PEA15: variants seen among roughly 807,000 people sequenced by gnomAD.
PEA15 encodes the protein proliferation and apoptosis adaptor protein 15, also known as astrocytic phosphoprotein PEA-15.
For missense variants in PEA15, 77 were observed against 161.3 expected (o/e 0.48, Z 2.83); for synonymous variants, 60 against 61.8 (o/e 0.97, Z 0.13).
intron 1 of PEA15, among the ~76,000 whole-genome samples, chr1:160,210,721 G>T (rs373848142): frequency 5.3e-5 from 8 of 152,314 alleles, no homozygotes; most frequent in African/African-American, 1.9e-4. Flanking sequence ...CCACCACCCA[G>T]CCAGCCTGGG....
chr1:160,213,642 T>A lies in PEA15; in HGVS notation c.*156T>A. Reference sequence around the variant, plus strand: ...CGCGTGTGTGTGCGTGTGCGCACGCTCTGGCTGTTTGTCTATATGTCTAGC... The same window carrying A: ...CGCGTGTGTGTGCGTGTGCGCACGCACTGGCTGTTTGTCTATATGTCTAGC... On this transcript the variant is annotated 3_prime_UTR_variant, in exon 4 of 4. Transcript: ENST00000360472. The surrounding 1 kb of genome is among the most constrained non-coding windows in gnomAD (Gnocchi z 5.3). 2.0e-6 allele frequency: 1 copy of A among 497,010 alleles called. No homozygotes were observed. The highest frequency in any genetic ancestry group is 3.7e-6 in the Non-Finnish European group (1 of 271,940). The allele number at this position is 497,010 out of a possible 1,614,324, so 30.8% of individuals were successfully genotyped here.
In PEA15 at chr1:160,213,357, G is replaced by A. The variant is rs368503705; in HGVS notation, c.329-65G>A. 1.9e-6 allele frequency: 3 copies of A among 1,606,326 alleles called. No individual in the cohort carries two copies. The highest frequency in any genetic ancestry group is 2.7e-5 in the African/African-American group (2 of 74,798). On this transcript the variant is annotated intron_variant, in intron 3 of 3. Coordinates refer to ENST00000360472, the MANE Select transcript of PEA15 (RefSeq NM_003768.5). The surrounding 1 kb of genome is among the most constrained non-coding windows in gnomAD (Gnocchi z 5.3). ...GAGTTTTGGGAGAGTGGAGGCAGAT[G>A]CCCAATGGGCCTGCCTGGCATCTCC... is the stretch of plus-strand genomic sequence containing the variant.
intron 1 of PEA15, 180 bp from the exon 2 acceptor site, chr1:160,211,363 A>G (rs1416081601): frequency 3.8e-6 from 5 of 1,306,008 alleles, no homozygotes; most frequent in Non-Finnish European, 3.9e-6. Flanking sequence ...CTTCCCGTCT[A>G]CCCTGACTGC....
chr1:160,213,683 T>G lies in PEA15; in HGVS notation c.*197T>G, dbSNP rs1298605342. 1 of 381,978 alleles carries G rather than the reference T, an allele frequency of 2.6e-6. No individual in the cohort carries two copies. The highest frequency in any genetic ancestry group is 3.7e-5 in the Admixed American group (1 of 26,936). The allele number at this position is 381,978 out of a possible 1,614,324, so 23.7% of individuals were successfully genotyped here. The stretch of plus-strand genomic sequence containing the variant: ...TATGTCTAGCTCATCTAGTTCCTCT[T>G]CTTAAGGGGATGGGGGTCAGGGGCT... On this transcript the variant is annotated 3_prime_UTR_variant, in exon 4 of 4. Coordinates refer to ENST00000360472, the MANE Select transcript of PEA15 (RefSeq NM_003768.5). The surrounding 1 kb of genome is among the most constrained non-coding windows in gnomAD (Gnocchi z 5.3).
At chr1:160,209,575 G>GT (rs1333150958) in intron 1 of PEA15, among the ~76,000 whole-genome samples, 1 of 152,036 alleles carries the variant, frequency 6.6e-6, no homozygotes, top group African/African-American at 2.4e-5. Context: ...CGCAGGATCT[G>GT]TAATATTTAC....
In PEA15 at chr1:160,208,621, A is replaced by C. The variant is rs1654709521; in HGVS notation, c.-2-2922A>C. The stretch of plus-strand genomic sequence containing the variant: ...GAAAGTGACATGGAGGATGAAGGAA[A>C]CAAGCTCTGCCAAGCCCCACCATGG... On this transcript the variant is annotated intron_variant, in intron 1 of 3. Coordinates refer to ENST00000360472, the MANE Select transcript of PEA15 (RefSeq NM_003768.5). The surrounding 1 kb of genome is among the most constrained non-coding windows in gnomAD (Gnocchi z 4.1). 3 of 1,550,440 alleles carry C rather than the reference A, an allele frequency of 1.9e-6. No individual in the cohort carries two copies. The Admixed American group carries it at 5.9e-5, about 30-fold the overall frequency.
At chr1:160,209,096 T>C (rs1284186652) in intron 1 of PEA15, among the ~76,000 whole-genome samples, 3 of 151,864 alleles carry the variant, frequency 2.0e-5, no homozygotes, top group Non-Finnish European at 2.9e-5. Flanking sequence ...TGTGGTTATA[T>C]GCCTTCTTAC....
At chr1:160,206,699 G>A (rs1654606881) in intron 1 of PEA15, among the ~76,000 whole-genome samples, 1 of 152,170 alleles carries the variant, frequency 6.6e-6, no homozygotes, top group African/African-American at 2.4e-5. Flanking sequence ...ACCAGGGAGA[G>A]GGAGGAAGTG....
chr1:160,210,126 G>C (rs1211665367), intron 1 of PEA15, among the ~76,000 whole-genome samples: 1 of 152,186 alleles, frequency 6.6e-6, no homozygotes, highest in Non-Finnish European at 1.5e-5. Context: ...TTCTGGGTCT[G>C]TATCTCTTAT....
At chr1:160,212,313 T>C (rs1409164549) in intron 2 of PEA15, among the ~76,000 whole-genome samples, 4 of 151,938 alleles carry the variant, frequency 2.6e-5, no homozygotes, top group Non-Finnish European at 5.9e-5. Flanking sequence ...TGTCACAGAG[T>C]ATCTAGTGTG....
Position 160,213,850 on chromosome 1 carries a change from T to G in PEA15, c.*364T>G. Reference sequence around the variant, plus strand: ...TGTGGAAGCAGAAAGGACCTGCATTTTCCTACATTGAGGAGCTGACATAGG... The same window carrying G: ...TGTGGAAGCAGAAAGGACCTGCATTGTCCTACATTGAGGAGCTGACATAGG... On this transcript the variant is annotated 3_prime_UTR_variant, in exon 4 of 4. Coordinates refer to ENST00000360472, the MANE Select transcript of PEA15 (RefSeq NM_003768.5). The surrounding 1 kb of genome is among the most constrained non-coding windows in gnomAD (Gnocchi z 5.3). 1 of 251,528 alleles carries G rather than the reference T, an allele frequency of 4.0e-6. No homozygotes were observed. The highest frequency in any genetic ancestry group is 7.8e-6 in the Non-Finnish European group (1 of 128,078). The allele number at this position is 251,528 out of a possible 1,614,324, so 15.6% of individuals were successfully genotyped here. A position where few individuals can be genotyped will look rare whatever the true frequency, so the allele number is the denominator to read the frequency against.
chr1:160,211,742 T>A (rs763677225), intron 2 of PEA15, 26 bp downstream of exon 2: 1 of 1,603,278 alleles, frequency 6.2e-7, no homozygotes, highest in East Asian at 2.2e-5. Context: ...ACAGGGGTCC[T>A]GTCATCAGTC....
chr1:160,208,517 C>A lies in PEA15; in HGVS notation c.-3+2995C>A. On this transcript the variant is annotated intron_variant, in intron 1 of 3. Coordinates refer to ENST00000360472, the MANE Select transcript of PEA15 (RefSeq NM_003768.5). The surrounding 1 kb of genome is among the most constrained non-coding windows in gnomAD (Gnocchi z 4.1). The stretch of plus-strand genomic sequence containing the variant: ...TCCCTGAGCAGCTCTCTGCACTGCT[C>A]CAGAAATCAGGAGGATTTTTCAGAG... 1 of 1,259,024 alleles carries A rather than the reference C, an allele frequency of 7.9e-7. No individual in the cohort carries two copies. Among genetic ancestry groups the A allele is most frequent in the South Asian group, 1.3e-5 (1 of 77,644 alleles). The allele number at this position is 1,259,024 out of a possible 1,614,324, so 78.0% of individuals were successfully genotyped here.
At chr1:160,207,433 C>T (rs879520657) in intron 1 of PEA15, among the ~76,000 whole-genome samples, 3 of 152,308 alleles carry the variant, frequency 2.0e-5, no homozygotes, top group Admixed American at 1.3e-4. Context: ...TTCCCCTCCT[C>T]GCCATCAGCC....
In PEA15 at chr1:160,211,662, A is replaced by G; in HGVS notation, c.118A>G (p.Thr40Ala). The G allele has an allele frequency of 6.2e-7, 1 of 1,614,114 alleles. No homozygotes were observed. Among genetic ancestry groups the G allele is most frequent in the Non-Finnish European group, 8.5e-7 (1 of 1,179,986 alleles). Reference protein sequence around the residue: ...DIPSEKSEEITTGSAWFSFLE... With the variant: ...DIPSEKSEEIATGSAWFSFLE... ...CCCCAGCGAAAAGAGTGAGGAGATCACTACTGGCAGTGCCTGGTTTAGCTT... is the reference window on the plus strand; with the variant it reads ...CCCCAGCGAAAAGAGTGAGGAGATCGCTACTGGCAGTGCCTGGTTTAGCTT... Residue 40 changes from threonine to alanine, a missense_variant, in exon 2 of 4, where the codon ACT (threonine) becomes GCT (alanine). Transcript: ENST00000360472.
Position 160,213,045 on chromosome 1 carries a change from C to T in PEA15, c.173-65C>T. On this transcript the variant is annotated intron_variant, in intron 2 of 3. Transcript: ENST00000360472. This position sits in a 1 kb window ranked among gnomAD's most constrained non-coding sequence, Gnocchi z 5.3. ...TCAGCTTTGGTTCCAGGTCACTAGT[C>T]TGGTGGAGTAGGGGAAGCTGACCTC... is the stretch of plus-strand genomic sequence containing the variant. The T allele has an allele frequency of 1.3e-6, 2 of 1,559,502 alleles. No homozygotes were observed. Among genetic ancestry groups the T allele is most frequent in the South Asian group, 2.2e-5 (2 of 88,898 alleles).
intron 1 of PEA15, among the ~76,000 whole-genome samples, chr1:160,207,636 C>T (rs1384819950): frequency 6.6e-6 from 1 of 152,208 alleles, no homozygotes; most frequent in Non-Finnish European, 1.5e-5. Context: ...CAGGCTGACC[C>T]TGGAGCCTCA....
rs1044625904 is a variant in PEA15, at chr1:160,213,322, T to C, written c.328+57T>C. 37 of 1,613,266 alleles carry C rather than the reference T, an allele frequency of 2.3e-5. No individual in the cohort carries two copies. The highest frequency in any genetic ancestry group is 3.1e-5 in the Non-Finnish European group (36 of 1,179,272). ...TCTGCCTCGTCCCGTTGACTATCCT[T>C]GGAGTACTTGAGTTTTGGGAGAGTG... On this transcript the variant is annotated intron_variant, in intron 3 of 3. Transcript: ENST00000360472. The surrounding 1 kb of genome is among the most constrained non-coding windows in gnomAD (Gnocchi z 5.3).
intron 1 of PEA15, among the ~76,000 whole-genome samples, chr1:160,209,023 T>A (rs922890113): frequency 6.6e-6 from 1 of 152,022 alleles, no homozygotes; most frequent in Non-Finnish European, 1.5e-5. Context: ...TCTCTTTCTG[T>A]CTCCCAACTC....
Sources: allele counts gnomAD v4.1 joint callset (sites outside exome capture counted in the v4.1 genomes callset), GRCh38; gene constraint gnomAD v4.1.1; non-coding constraint Gnocchi (gnomAD v3.1); transcripts MANE v1.5; gene names NCBI Gene and HGNC (gene_info 2026-07-23, HGNC 2026-07-21).